The following MYO1D variants were observed in gnomAD, a reference collection of about 807,000 sequenced individuals.
The protein encoded by MYO1D is myosin ID.
Under a neutral mutation model 122.0 loss-of-function variants are expected in MYO1D, and 83 were observed. That is an observed-to-expected ratio of 0.68 (90% CI 0.57 to 0.82). The LOEUF is 0.82. MYO1D is among the 40% of genes least tolerant of loss of function. MYO1D has a pLI of 0.00. For missense variants in MYO1D, 1,157 were observed against 1,269.5 expected (o/e 0.91, Z 1.35); for synonymous variants, 464 against 446.9 (o/e 1.04, Z -0.48).
chr17:32,748,874 G>A (rs1567622842), intron 12 of MYO1D, 62 bp downstream of exon 12: 1 of 1,417,792 alleles, frequency 7.1e-7, no homozygotes. Flanking sequence ...ATTTTTCCTG[G>A]TTGTATTTTC....
intron 1 of MYO1D, among the ~76,000 whole-genome samples, chr17:32,856,326 T>C (rs1431495318): frequency 6.6e-6 from 1 of 152,156 alleles, no homozygotes; most frequent in Non-Finnish European, 1.5e-5. Flanking sequence ...TCAAATGTCT[T>C]TCTCTCTCTA....
intron 1 of MYO1D, among the ~76,000 whole-genome samples, chr17:32,844,449 T>TGTATATATATAATAC (rs1567668993): frequency 0.016 from 2,335 of 146,296 alleles, 84 homozygotes; most frequent in African/African-American, 0.055. Context: ...ATATATAATA[T>TGTATATATATAATAC]GTGGCTCATA....
intron 21 of MYO1D, among the ~76,000 whole-genome samples, chr17:32,569,629 T>A (rs950425631): frequency 4.6e-5 from 7 of 152,206 alleles, no homozygotes; most frequent in African/African-American, 1.7e-4. Context: ...GCCTCCATAA[T>A]GCCTTTTCTC....
At chr17:32,734,239 A>G (rs1474707512) in intron 14 of MYO1D, among the ~76,000 whole-genome samples, 1 of 152,088 alleles carries the variant, frequency 6.6e-6, no homozygotes, top group Non-Finnish European at 1.5e-5. Context: ...ATTAATTTTG[A>G]TAACTTTTTT....
rs557135313 is a variant in MYO1D, at chr17:32,866,386, CAG to C, written c.95+10390_95+10391del. On this transcript the variant is annotated intron_variant, in intron 1 of 21. Coordinates refer to ENST00000318217, the MANE Select transcript of MYO1D (RefSeq NM_015194.3). ...TCAGGTACCCTCCCCTCTCTGTCAT[CAG>C]GACCTGCCTCCCCAAGAATGAACTA... is the stretch of plus-strand genomic sequence containing the variant. Among the ~76,000 whole-genome samples, 419 of 152,302 alleles carry C rather than the reference CAG, an allele frequency of 2.8e-3. 4 individuals carry two copies. Among genetic ancestry groups the C allele is most frequent in the African/African-American group, 8.7e-3 (362 of 41,550 alleles).
At chr17:32,723,724 CG>C (rs2089538957) in intron 14 of MYO1D, among the ~76,000 whole-genome samples, 1 of 152,122 alleles carries the variant, frequency 6.6e-6, no homozygotes, top group Admixed American at 6.5e-5. Flanking sequence ...CATCCAGGCA[CG>C]CCATTTGAGT....
intron 1 of MYO1D, among the ~76,000 whole-genome samples, chr17:32,853,216 T>C (rs2091003483): frequency 6.6e-6 from 1 of 152,216 alleles, no homozygotes; most frequent in Admixed American, 6.5e-5. Context: ...TTCTCACTAG[T>C]CTCACTTGGA....
chr17:32,875,525 A>C (rs2091220355), intron 1 of MYO1D, among the ~76,000 whole-genome samples: 1 of 152,218 alleles, frequency 6.6e-6, no homozygotes. Flanking sequence ...TAGAATTTGA[A>C]TCTCAACAGT....
chr17:32,635,964 GA>G (rs1289836864), intron 20 of MYO1D, among the ~76,000 whole-genome samples: 5 of 152,146 alleles, frequency 3.3e-5, no homozygotes, highest in Non-Finnish European at 7.4e-5. Context: ...GTATAGAACT[GA>G]AGGGAAATTA....
At chr17:32,612,696 C>CA (rs1158470135) in intron 20 of MYO1D, among the ~76,000 whole-genome samples, 19,231 of 105,116 alleles carry the variant, frequency 0.18, 1,221 homozygotes, top group Middle Eastern at 0.34. Flanking sequence ...AAAAAAAAAA[C>CA]AAAAAAAAAA....
At chr17:32,665,309 T>G (rs2088622325) in intron 16 of MYO1D, among the ~76,000 whole-genome samples, 1 of 152,124 alleles carries the variant, frequency 6.6e-6, no homozygotes, top group Admixed American at 6.5e-5. Context: ...ACTTACATAT[T>G]ATGGTGTTAT....
chr17:32,728,202 T>C (rs2089597888), intron 14 of MYO1D, among the ~76,000 whole-genome samples: 1 of 151,928 alleles, frequency 6.6e-6, no homozygotes, highest in Admixed American at 6.6e-5. Flanking sequence ...TATAGAATAT[T>C]GAATGCAATT....
chr17:32,647,226 T>C (rs1224906626), intron 19 of MYO1D, among the ~76,000 whole-genome samples: 6 of 152,204 alleles, frequency 3.9e-5, no homozygotes, highest in African/African-American at 9.7e-5. Flanking sequence ...GGACATTTTA[T>C]AATGTGGTTA....
intron 21 of MYO1D, among the ~76,000 whole-genome samples, chr17:32,500,652 T>G (rs1909286443): frequency 6.6e-6 from 1 of 151,900 alleles, no homozygotes; most frequent in Non-Finnish European, 1.5e-5. Context: ...GAAGTTCGGC[T>G]GAGCACTGCC....
intron 1 of MYO1D, among the ~76,000 whole-genome samples, chr17:32,828,288 G>A (rs1424544129): frequency 2.0e-5 from 3 of 151,980 alleles, no homozygotes; most frequent in East Asian, 3.9e-4. Flanking sequence ...AGGCCGAGTC[G>A]GGCGGATCAC....
chr17:32,753,206 T>C (rs912682352), intron 11 of MYO1D, among the ~76,000 whole-genome samples: 1 of 151,904 alleles, frequency 6.6e-6, no homozygotes, highest in African/African-American at 2.4e-5. Context: ...ACAATGCATA[T>C]GCATGAACAC....
chr17:32,776,772 T>C (rs190599218), intron 3 of MYO1D, among the ~76,000 whole-genome samples: 1 of 152,336 alleles, frequency 6.6e-6, no homozygotes, highest in African/African-American at 2.4e-5. Context: ...GTACCAGCCA[T>C]TTAATGCATT....
intron 1 of MYO1D, among the ~76,000 whole-genome samples, chr17:32,786,236 G>T (rs1178705087): frequency 1.3e-5 from 2 of 152,112 alleles, no homozygotes; most frequent in Non-Finnish European, 2.9e-5. Flanking sequence ...GAGGTTAAAT[G>T]AAGAAGTAAC....
At chr17:32,648,791 T>C (rs2150946814) in intron 19 of MYO1D, among the ~76,000 whole-genome samples, 1 of 152,382 alleles carries the variant, frequency 6.6e-6, no homozygotes, top group African/African-American at 2.4e-5. Context: ...TGATTATCAA[T>C]ACAGTTAGGC....
Sources: gnomAD v4.1 joint callset for allele counts (sites outside exome capture counted in the v4.1 genomes callset) on GRCh38, gnomAD v4.1.1 for gene constraint, MANE v1.5 for transcripts, NCBI Gene and HGNC (gene_info 2026-07-23, HGNC 2026-07-21) for gene names.